The following PDXK variants were observed in gnomAD, a reference collection of about 807,000 sequenced individuals.
PDXK encodes the protein pyridoxal kinase.
PDXK carries 15 observed loss-of-function variants against 43.2 expected under a neutral mutation model. The ratio of observed to expected loss-of-function variants is 0.35; its 90% confidence interval spans 0.23 to 0.53. The LOEUF is 0.53. Ranked by LOEUF, PDXK falls within the 20% of genes least tolerant of loss-of-function variation. The pLI, the probability that PDXK is intolerant of heterozygous loss-of-function variation, is 0.92. For synonymous variants in PDXK, 172 were observed against 165.4 expected (o/e 1.04, Z -0.31); for missense variants, 343 against 417.0 (o/e 0.82, Z 1.54).
chr21:43,748,066 G>A (rs768908231), intron 5 of PDXK, among the ~76,000 whole-genome samples: 4 of 152,218 alleles, frequency 2.6e-5, no homozygotes, highest in African/African-American at 7.2e-5. Flanking sequence ...GGAGGTTTCC[G>A]GGAGCAAAGT....
In PDXK at chr21:43,749,036, G is replaced by C; in HGVS notation, c.420G>C (p.Val140=). The C allele has an allele frequency of 6.2e-7, 1 of 1,612,950 alleles. No homozygotes were observed. The change falls in exon 6 of 11, where the codon GTG becomes GTC. Residue 140 remains valine, a synonymous_variant. Coordinates refer to ENST00000291565, the MANE Select transcript of PDXK (RefSeq NM_003681.5). Reference sequence around the variant, plus strand: ...TCCTTCCCGTCTACAAAGAAAAAGTGGTGCCGCTTGCAGACATTATCACGC... The same window carrying C: ...TCCTTCCCGTCTACAAAGAAAAAGTCGTGCCGCTTGCAGACATTATCACGC... The part of the protein sequence containing the change: ...EDLLPVYKEK[V]VPLADIITPN...
intron 1 of PDXK, among the ~76,000 whole-genome samples, chr21:43,731,105 C>A (rs891332548): frequency 6.6e-6 from 1 of 152,014 alleles, no homozygotes; most frequent in African/African-American, 2.4e-5. Context: ...CAAAGTGCTG[C>A]GATCACAGGT....
chr21:43,756,043 G>T lies in PDXK; in HGVS notation c.919G>T (p.Val307Phe). The T allele has an allele frequency of 1.9e-6, 3 of 1,609,840 alleles. No individual in the cohort carries two copies. The highest frequency in any genetic ancestry group is 1.7e-6 in the Non-Finnish European group (2 of 1,177,826). ...KRDIEDPEIV[V>F]QATVL is the part of the protein sequence containing the mutation. ...GGACATCGAGGACCCAGAGATCGTC[G>T]TCCAGGCCACGGTGCTGTGAGGGCC... The change falls in exon 11 of 11, where the codon GTC becomes TTC. Residue 307 changes from valine (V) to phenylalanine (F), a missense_variant. Coordinates refer to ENST00000291565, the MANE Select transcript of PDXK (RefSeq NM_003681.5).
At chr21:43,753,501 G>A (rs2083791822) in intron 8 of PDXK, 82 bp from the exon 9 acceptor site, 2 of 1,465,222 alleles carry the variant, frequency 1.4e-6, no homozygotes. Context: ...CTGCCGCCGT[G>A]CCCAGGAGGA....
At position 43,734,889 on chromosome 21, in the gene PDXK, C is replaced by T. The variant is rs572267652; in HGVS notation, c.142+766C>T. ...CCCCTGAAATTTCTCTGAACCCAGG[C>T]GGAACCTTGGGAGCACAGAACGTCC... On this transcript the variant is annotated intron_variant, in intron 2 of 10. Coordinates refer to ENST00000291565, the MANE Select transcript of PDXK (RefSeq NM_003681.5). The surrounding 1 kb of genome is among the most constrained non-coding windows in gnomAD (Gnocchi z 5.0). Among the ~76,000 whole-genome samples, 3 of 152,302 alleles carry T rather than the reference C, an allele frequency of 2.0e-5. No homozygotes were observed. The highest frequency in any genetic ancestry group is 2.1e-4 in the South Asian group (1 of 4,828).
intron 3 of PDXK, among the ~76,000 whole-genome samples, chr21:43,742,228 G>A (rs1207257835): frequency 1.3e-5 from 2 of 152,156 alleles, no homozygotes. Context: ...GGCCCAGGCT[G>A]TAGTGCAATG....
chr21:43,733,826 G>A (rs1344176435), intron 1 of PDXK: 13 of 690,900 alleles, frequency 1.9e-5, no homozygotes, highest in African/African-American at 3.6e-5. Flanking sequence ...ATGCCCTCCC[G>A]GGCTGGTTGC....
Position 43,757,903 on chromosome 21 carries a change from C to A in PDXK, c.*1840C>A, listed in dbSNP as rs150973491. The A allele has an allele frequency of 6.6e-6, 1 of 152,094 alleles. No individual in the cohort carries two copies. Among genetic ancestry groups the A allele is most frequent in the Non-Finnish European group, 1.5e-5 (1 of 68,030 alleles). The allele number at this position is 152,094 out of a possible 1,614,324, so 9.4% of individuals were successfully genotyped here. On this transcript the variant is annotated 3_prime_UTR_variant, in exon 11 of 11. Transcript: ENST00000291565. The stretch of plus-strand genomic sequence containing the variant: ...CAGAACCACCTGGCCCTCTGTAGGG[C>A]GTTTAACTGGAAATACCCTCACTGC...
intron 1 of PDXK, among the ~76,000 whole-genome samples, chr21:43,733,438 T>A (rs2083352819): frequency 6.6e-6 from 1 of 151,982 alleles, no homozygotes; most frequent in Non-Finnish European, 1.5e-5. Flanking sequence ...CCCCCCAAAC[T>A]AGCGGAGGCC....
Position 43,725,537 on chromosome 21 carries a change from C to T in PDXK, c.87+6156C>T, listed in dbSNP as rs557884992. Among the ~76,000 whole-genome samples the T allele has an allele frequency of 1.3e-4, 20 of 152,100 alleles. No homozygotes were observed. The South Asian group carries it at 2.7e-3, about 21-fold the overall frequency. ...AAAAAAGCCAGCGCTGGGCCAGGCA[C>T]GGTGGCTCACGCCTATAATCCCAGC... On this transcript the variant is annotated intron_variant, in intron 1 of 10. Coordinates refer to ENST00000291565, the MANE Select transcript of PDXK (RefSeq NM_003681.5).
chr21:43,752,201 G>A lies in PDXK; in HGVS notation c.511-317G>A, dbSNP rs140045281. On this transcript the variant is annotated intron_variant, in intron 7 of 10. Coordinates refer to ENST00000291565, the MANE Select transcript of PDXK (RefSeq NM_003681.5). The stretch of plus-strand genomic sequence containing the variant: ...CTACGAGAGTTACAGAAAAGCCAAC[G>A]TACAGAGGGGCCAGCTCCTCCTCGC... 3.9e-3 allele frequency among the ~76,000 whole-genome samples: 587 copies of A among 152,320 alleles called. 5 individuals are homozygous for A. Among genetic ancestry groups the A allele is most frequent in the African/African-American group, 0.013 (526 of 41,572 alleles).
At chr21:43,726,274 T>TC (rs1232859790) in intron 1 of PDXK, among the ~76,000 whole-genome samples, 10 of 142,092 alleles carry the variant, frequency 7.0e-5, no homozygotes, top group African/African-American at 2.1e-4. Context: ...CTTTTTCTTT[T>TC]TTTTTTTTTT....
At chr21:43,730,255 A>C (rs1423068396) in intron 1 of PDXK, among the ~76,000 whole-genome samples, 1 of 152,026 alleles carries the variant, frequency 6.6e-6, no homozygotes, top group Non-Finnish European at 1.5e-5. Flanking sequence ...CCTCCTGAGT[A>C]GCTGGGACTA....
At chr21:43,752,470 G>A (rs2083770785) in intron 7 of PDXK, 48 bp from the exon 8 acceptor site, 1 of 1,302,850 alleles carries the variant, frequency 7.7e-7, no homozygotes, top group African/African-American at 1.4e-5. Flanking sequence ...GACCAGCCGT[G>A]GCTGACATGT....
At position 43,749,041 on chromosome 21, in the gene PDXK, C is replaced by A; in HGVS notation, c.425C>A (p.Pro142Gln). 6.2e-7 allele frequency: 1 copy of A among 1,612,626 alleles called. No individual in the cohort carries two copies. Among genetic ancestry groups the A allele is most frequent in the African/African-American group, 1.3e-5 (1 of 75,006 alleles). Residue 142 changes from proline to glutamine, a missense_variant, in exon 6 of 11, where the codon CCG (proline) becomes CAG (glutamine). Pro to Gln is a moderately conservative substitution (Grantham distance 76). Transcript: ENST00000291565. ...LLPVYKEKVV[P>Q]LADIITPNQF... ...CCCGTCTACAAAGAAAAAGTGGTGC[C>A]GCTTGCAGACATTATCACGCCCAAC...
chr21:43,753,731 G>A lies in PDXK; in HGVS notation c.759+12G>A, dbSNP rs758463498. ...CCAATAACCTCAAGGTCAGCCACACGCACCGCTCCCCTCCTCGCCCACTCC... is the reference window on the plus strand; with the variant it reads ...CCAATAACCTCAAGGTCAGCCACACACACCGCTCCCCTCCTCGCCCACTCC... On this transcript the variant is annotated intron_variant, in intron 9 of 10. Coordinates refer to ENST00000291565, the MANE Select transcript of PDXK (RefSeq NM_003681.5). 1.1e-5 allele frequency: 18 copies of A among 1,605,048 alleles called. No individual in the cohort carries two copies. Among genetic ancestry groups the A allele is most frequent in the East Asian group, 4.5e-5 (2 of 44,472 alleles).
rs374769972 is a variant in PDXK, at chr21:43,719,366, C to T, written c.72C>T (p.Ala24=). 1.0e-5 allele frequency: 16 copies of T among 1,524,472 alleles called. No homozygotes were observed. The highest frequency in any genetic ancestry group is 1.2e-5 in the South Asian group (1 of 81,818). The allele number at this position is 1,524,472 out of a possible 1,614,324, so 94.4% of individuals were successfully genotyped here. Residue 24 remains alanine (A), a synonymous_variant, in exon 1 of 11, where the codon GCC becomes GCT. Coordinates refer to ENST00000291565, the MANE Select transcript of PDXK (RefSeq NM_003681.5). ...VIRGYVGNRA[A]TFPLQVLGFE... ...GCGGCTACGTGGGCAACCGGGCGGC[C>T]ACGTTCCCGCTGCAGGTACGCATCC...
intron 6 of PDXK, 57 bp from the exon 7 acceptor site, chr21:43,750,440 CACA>C: frequency 1.4e-6 from 2 of 1,465,432 alleles, no homozygotes; most frequent in South Asian, 2.4e-5. Flanking sequence ...AATGTCAACA[CACA>C]ACCCGGAGAG....
intron 9 of PDXK, chr21:43,755,479 A>C: frequency 1.7e-6 from 1 of 579,118 alleles, no homozygotes; most frequent in South Asian, 2.0e-5. Context: ...CAGAGCAGGT[A>C]GCTGGGACCG....
Sources: allele counts gnomAD v4.1 joint callset (sites outside exome capture counted in the v4.1 genomes callset), GRCh38; gene constraint gnomAD v4.1.1; non-coding constraint Gnocchi (gnomAD v3.1); transcripts MANE v1.5; gene names NCBI Gene and HGNC (gene_info 2026-07-23, HGNC 2026-07-21).